The following STARD13 variants were observed in gnomAD, a reference collection of about 807,000 sequenced individuals.
STARD13 encodes the protein stAR-related lipid transfer protein 13.
Under a neutral mutation model 106.4 loss-of-function variants are expected in STARD13, and 62 were observed. That is an observed-to-expected ratio of 0.58 (90% confidence interval 0.48 to 0.72). STARD13 has a LOEUF of 0.72. STARD13 is among the 30% of genes least tolerant of loss of function. The probability of loss-of-function intolerance (pLI) is 0.00; values close to 1 mark genes in which losing one functional copy is unlikely to be tolerated. For synonymous variants in STARD13, 565 were observed against 553.0 expected, an observed-to-expected ratio of 1.02 and a Z score of -0.31; for missense variants, 1,387 against 1,424.0, an observed-to-expected ratio of 0.97 and a Z score of 0.42.
At chr13:33,666,528 T>C in the STARD13 span, among the ~76,000 whole-genome samples, 1 of 151,888 alleles carries the variant, frequency 6.6e-6, no homozygotes, top group Non-Finnish European at 1.5e-5. Flanking sequence ...ATCTCCTGAC[T>C]TCGTGATCTG....
At chr13:33,435,797 CTTAA>C in the STARD13 span, among the ~76,000 whole-genome samples, 3 of 152,128 alleles carry the variant, frequency 2.0e-5, no homozygotes, top group Admixed American at 1.3e-4. Flanking sequence ...TCAACAGACA[CTTAA>C]TTAACTAAAT....
the STARD13 span, among the ~76,000 whole-genome samples, chr13:33,518,009 AAAC>A: frequency 4.3e-4 from 65 of 150,430 alleles, no homozygotes; most frequent in Non-Finnish European, 7.1e-4. Flanking sequence ...TGGCAAAAAC[AAAC>A]AACAACAACA....
the STARD13 span, among the ~76,000 whole-genome samples, chr13:33,385,554 A>C: frequency 6.6e-6 from 1 of 150,962 alleles, no homozygotes; most frequent in Non-Finnish European, 1.5e-5. Flanking sequence ...TAAACCAGAT[A>C]ACTAGATTCT....
chr13:33,201,480 G>C (rs1887036612), intron 1 of STARD13, among the ~76,000 whole-genome samples: 1 of 152,224 alleles, frequency 6.6e-6, no homozygotes, highest in African/African-American at 2.4e-5. Context: ...GATTAAATGA[G>C]AGATTGCCAA....
At chr13:33,499,041 G>A in the STARD13 span, among the ~76,000 whole-genome samples, 1 of 152,196 alleles carries the variant, frequency 6.6e-6, no homozygotes, top group Non-Finnish European at 1.5e-5. Flanking sequence ...GGGTGGCTGA[G>A]GCAGGAGAAT....
At chr13:33,199,191 T>C (rs1388900611) in intron 1 of STARD13, among the ~76,000 whole-genome samples, 2 of 152,254 alleles carry the variant, frequency 1.3e-5, no homozygotes, top group East Asian at 1.9e-4. Context: ...ATTCTTTGAA[T>C]TGGATTTAAA....
chr13:33,437,904 G>A, the STARD13 span, among the ~76,000 whole-genome samples: 2 of 152,166 alleles, frequency 1.3e-5, no homozygotes, highest in African/African-American at 2.4e-5. Flanking sequence ...GAATGACAGA[G>A]TGGTTAAACA....
intron 1 of STARD13, among the ~76,000 whole-genome samples, chr13:33,311,104 G>A (rs549797676): frequency 6.6e-6 from 1 of 150,822 alleles, no homozygotes; most frequent in East Asian, 1.9e-4. Context: ...GACCCACCTG[G>A]GCAACATAAT....
At chr13:33,360,656 G>GA in the STARD13 span, among the ~76,000 whole-genome samples, 10 of 139,712 alleles carry the variant, frequency 7.2e-5, no homozygotes, top group Non-Finnish European at 1.3e-4. Context: ...TAGACAGAAG[G>GA]ATTCCTTCTG....
At chr13:33,557,860 G>A in the STARD13 span, among the ~76,000 whole-genome samples, 1 of 152,300 alleles carries the variant, frequency 6.6e-6, no homozygotes, top group Admixed American at 6.5e-5. Context: ...AGGCCATAGA[G>A]AATTTAGGGA....
chr13:33,416,131 G>A, the STARD13 span, among the ~76,000 whole-genome samples: 2 of 152,128 alleles, frequency 1.3e-5, no homozygotes, highest in Non-Finnish European at 2.9e-5. Flanking sequence ...CATTAATTTG[G>A]TTCAACAGAT....
chr13:33,200,142 C>T (rs1368412827), intron 1 of STARD13, among the ~76,000 whole-genome samples: 1 of 152,194 alleles, frequency 6.6e-6, no homozygotes, highest in African/African-American at 2.4e-5. Context: ...CTGAAGGTAA[C>T]CAAACACGCT....
chr13:33,146,983 A>G (rs1486620112), intron 3 of STARD13, among the ~76,000 whole-genome samples: 3 of 152,224 alleles, frequency 2.0e-5, no homozygotes, highest in Admixed American at 2.0e-4. Flanking sequence ...CTCCGTTACC[A>G]AAGAATTGTC....
At chr13:33,261,646 G>C (rs893887274) in intron 1 of STARD13, among the ~76,000 whole-genome samples, 6 of 152,094 alleles carry the variant, frequency 3.9e-5, no homozygotes, top group African/African-American at 7.2e-5. Flanking sequence ...CCCAAAGAAC[G>C]AGACTTTCAT....
the STARD13 span, among the ~76,000 whole-genome samples, chr13:33,543,419 TAATC>T: frequency 2.6e-5 from 4 of 152,232 alleles, no homozygotes; most frequent in Admixed American, 2.6e-4. Context: ...TTCTTTTAGA[TAATC>T]AGAGAAAGGA....
chr13:33,608,101 C>A, the STARD13 span, among the ~76,000 whole-genome samples: 8 of 152,182 alleles, frequency 5.3e-5, no homozygotes, highest in African/African-American at 1.9e-4. Flanking sequence ...GAGATGGGGT[C>A]TCACTATGTT....
At chr13:33,591,003 A>G in the STARD13 span, among the ~76,000 whole-genome samples, 1 of 152,256 alleles carries the variant, frequency 6.6e-6, no homozygotes. Flanking sequence ...GAGTACCTTA[A>G]AATTTAACAT....
At chr13:33,174,943 G>A (rs767107701) in intron 1 of STARD13, among the ~76,000 whole-genome samples, 3 of 152,142 alleles carry the variant, frequency 2.0e-5, no homozygotes, top group Non-Finnish European at 4.4e-5. Flanking sequence ...GTGTGAATGT[G>A]TGCTCATATA....
the STARD13 span, among the ~76,000 whole-genome samples, chr13:33,632,940 T>C: frequency 6.6e-6 from 1 of 152,060 alleles, no homozygotes; most frequent in Non-Finnish European, 1.5e-5. Flanking sequence ...TGAATAAACA[T>C]AGCATTAATG....
Sources: allele counts gnomAD v4.1 joint callset (sites outside exome capture counted in the v4.1 genomes callset), GRCh38; gene constraint gnomAD v4.1.1; transcripts MANE v1.5; gene names NCBI Gene and HGNC (gene_info 2026-07-23, HGNC 2026-07-21).